Variants in ARFGAP2 observed in about 807,000 individuals in gnomAD.
ARFGAP2 encodes ARF GTPase activating protein 2, also known as ADP-ribosylation factor GTPase-activating protein 2.
ARFGAP2 carries 45 observed loss-of-function variants against 71.9 expected under a neutral mutation model. The observed-to-expected ratio is 0.63, with a 90% CI of 0.49 to 0.80. ARFGAP2 has a LOEUF of 0.80. ARFGAP2 is among the 30% of genes least tolerant of loss of function. The pLI is 0.00. For missense variants in ARFGAP2, 633 were observed against 673.9 expected, an observed-to-expected ratio of 0.94 and a Z score of 0.67; for synonymous variants, 248 against 249.2, an observed-to-expected ratio of 1.00 and a Z score of 0.05.
At position 47,175,845 on chromosome 11, in the gene ARFGAP2, C is replaced by T; in HGVS notation, c.264+6G>A. On this transcript the variant is annotated splice_donor_region_variant and intron_variant, in intron 3 of 15. Coordinates refer to ENST00000524782, the MANE Select transcript of ARFGAP2 (RefSeq NM_032389.6). ...TGGAAGGTGAGGGAAGTAGAAGGAGCTTTACCGCATTGGCATTCCCGCCGA... is the reference window on the plus strand; with the variant it reads ...TGGAAGGTGAGGGAAGTAGAAGGAGTTTTACCGCATTGGCATTCCCGCCGA... 3.1e-6 allele frequency: 5 copies of T among 1,614,158 alleles called. No individual in the cohort carries two copies. Among genetic ancestry groups the T allele is most frequent in the Non-Finnish European group, 4.2e-6 (5 of 1,180,030 alleles).
Position 47,175,288 on chromosome 11 carries a change from C to A in ARFGAP2, c.290G>T (p.Cys97Phe). 3 of 1,614,134 alleles carry A rather than the reference C, an allele frequency of 1.9e-6. No homozygotes were observed. The highest frequency in any genetic ancestry group is 1.7e-6 in the Non-Finnish European group (2 of 1,180,026). ...NATAFFRQHG[C>F]TANDANTKYN... ...TTTGGTGTTGGCATCATTGGCTGTG[C>A]ATCCATGTTGGCGAAAAAAAGCCGT... The change falls in exon 4 of 16, where the codon TGC (cysteine) becomes TTC (phenylalanine). Residue 97 changes from cysteine to phenylalanine, a missense_variant. Transcript: ENST00000524782.
Position 47,166,607 on chromosome 11 carries a change from G to C in ARFGAP2, c.1333-8C>G. On this transcript the variant is annotated splice_polypyrimidine_tract_variant and splice_region_variant and intron_variant, in intron 13 of 15. Coordinates refer to ENST00000524782, the MANE Select transcript of ARFGAP2 (RefSeq NM_032389.6). The stretch of plus-strand genomic sequence containing the variant: ...CCGAGACCTGGCCTCATACTGTGGT[G>C]AGGAAAAGGCCAGGCCTGGGGATCT... The C allele has an allele frequency of 3.7e-6, 6 of 1,611,466 alleles. No homozygotes were observed. Among genetic ancestry groups the C allele is most frequent in the Non-Finnish European group, 5.1e-6 (6 of 1,179,850 alleles).
Position 47,166,716 on chromosome 11 carries a change from T to C in ARFGAP2, c.1332+44A>G, listed in dbSNP as rs1341606417. The C allele has an allele frequency of 2.5e-6, 4 of 1,604,672 alleles. No homozygotes were observed. In the African/African-American group the frequency reaches 5.3e-5, roughly 21 times the overall value. On this transcript the variant is annotated intron_variant, in intron 13 of 15. Coordinates refer to ENST00000524782, the MANE Select transcript of ARFGAP2 (RefSeq NM_032389.6). ...GCAGCGGCAGGGAGAAAGCTCATGC[T>C]TCTGCCTGCTGCCTCGGACCTCAGG...
At chr11:47,172,826 C>A in intron 7 of ARFGAP2, 1 of 1,249,126 alleles carries the variant, frequency 8.0e-7, no homozygotes, top group Non-Finnish European at 1.0e-6. Context: ...GCCCAGCGGT[C>A]TCTATGAAGC....
At chr11:47,174,105 G>A (rs1952700792) in intron 5 of ARFGAP2, 1 of 564,120 alleles carries the variant, frequency 1.8e-6, no homozygotes, top group South Asian at 2.0e-5. Context: ...CACCACCTAG[G>A]CAGGCACAGA....
chr11:47,176,584 G>C lies in ARFGAP2; in HGVS notation c.123C>G (p.Tyr41Ter). ...AACAGTCAATGCACAAGAAAACACC[G>C]TACGTGATGCTGGCCCAACTCGGAT... is the stretch of plus-strand genomic sequence containing the variant. ...AKNPSWASIT[Y>*]GVFLCIDCSG... is the part of the protein sequence containing the mutation. Residue 41 changes from tyrosine (Y) to a stop codon, truncating the protein, a stop_gained, in exon 2 of 16, where the codon TAC (tyrosine) becomes TAG (stop). Coordinates refer to ENST00000524782, the MANE Select transcript of ARFGAP2 (RefSeq NM_032389.6). LOFTEE classifies it high-confidence loss of function. 6.2e-7 allele frequency: 1 copy of C among 1,614,134 alleles called. No homozygotes were observed. The highest frequency in any genetic ancestry group is 8.5e-7 in the Non-Finnish European group (1 of 1,180,038).
rs74834065 is a variant in ARFGAP2, at chr11:47,172,936, G to A, written c.619+490C>T. On this transcript the variant is annotated intron_variant, in intron 7 of 15. Coordinates refer to ENST00000524782, the MANE Select transcript of ARFGAP2 (RefSeq NM_032389.6). ...CCCCCAAGAGTCAACAGAACAAACC[G>A]AGGTCAGCAAATGGACTGTTCGCCC... 2.2e-3 allele frequency among the ~76,000 whole-genome samples: 340 copies of A among 152,308 alleles called. 2 individuals are homozygous for A. Among genetic ancestry groups the A allele is most frequent in the Middle Eastern group, 0.01 (3 of 294 alleles).
chr11:47,176,560 A>G lies in ARFGAP2; in HGVS notation c.147T>C (p.Cys49=). The G allele has an allele frequency of 6.2e-7, 1 of 1,613,980 alleles. No individual in the cohort carries two copies. The highest frequency in any genetic ancestry group is 8.5e-7 in the Non-Finnish European group (1 of 1,180,028). ...CGCCCAGGGAGCGGTGCACCCCGGA[A>G]CAGTCAATGCACAAGAAAACACCGT... ...ITYGVFLCID[C]SGVHRSLGVH... is the part of the protein sequence containing the mutation. Residue 49 remains cysteine (C), a synonymous_variant, in exon 2 of 16, where the codon TGT becomes TGC. Coordinates refer to ENST00000524782, the MANE Select transcript of ARFGAP2 (RefSeq NM_032389.6).
rs1952295617 is a variant in ARFGAP2, at chr11:47,165,086, A to G, written c.*396T>C. On this transcript the variant is annotated 3_prime_UTR_variant, in exon 16 of 16. Coordinates refer to ENST00000524782, the MANE Select transcript of ARFGAP2 (RefSeq NM_032389.6). ...ATGGGGACCCAAGGCCTCGAACTAG[A>G]AGAACCCTAGAGCCAGCAAAAAAAG... 1 of 197,972 alleles carries G rather than the reference A, an allele frequency of 5.1e-6. No individual in the cohort carries two copies. Among genetic ancestry groups the G allele is most frequent in the Admixed American group, 6.1e-5 (1 of 16,524 alleles). 12.3% of individuals were successfully genotyped at this position (197,972 alleles called of 1,614,324 possible). A position where few individuals can be genotyped will look rare whatever the true frequency, so the allele number is the denominator to read the frequency against.
At chr11:47,176,152 G>T in intron 2 of ARFGAP2, 1 of 598,662 alleles carries the variant, frequency 1.7e-6, no homozygotes. Context: ...CACATTCTCA[G>T]GCACGCACGC....
chr11:47,169,990 T>C (rs771520598), intron 10 of ARFGAP2, among the ~76,000 whole-genome samples: 9 of 152,112 alleles, frequency 5.9e-5, no homozygotes, highest in Non-Finnish European at 1.3e-4. Flanking sequence ...CAATGTCCTT[T>C]CAAGTTAAAA....
Position 47,176,792 on chromosome 11 carries a change from G to C in ARFGAP2, c.62C>G (p.Pro21Arg). 6.2e-7 allele frequency: 1 copy of C among 1,614,132 alleles called. No homozygotes were observed. Among genetic ancestry groups the C allele is most frequent in the South Asian group, 1.1e-5 (1 of 91,078 alleles). Reference protein sequence around the residue: ...QTLFKRLRAVPTNKACFDCGA... With the variant: ...QTLFKRLRAVRTNKACFDCGA... ...CCCCTGCTCACGCACCTTGTTGGTT[G>C]GAACTGCGCGAAGCCTCTTAAAAAG... Residue 21 changes from proline to arginine, a missense_variant, in exon 1 of 16, where the codon CCA (proline) becomes CGA (arginine). By Grantham distance (103) the Pro-to-Arg change is moderately radical. Transcript: ENST00000524782.
chr11:47,174,641 C>T (rs373211038), intron 5 of ARFGAP2: 87 of 201,058 alleles, frequency 4.3e-4, no homozygotes, highest in Non-Finnish European at 8.1e-4. Context: ...ATGATCCACC[C>T]GCCTCGGCCT....
intron 7 of ARFGAP2, chr11:47,172,771 G>A: frequency 7.7e-7 from 1 of 1,291,938 alleles, no homozygotes; most frequent in South Asian, 1.2e-5. Context: ...AAACAGACTT[G>A]TGGCTAACAA....
intron 7 of ARFGAP2, chr11:47,172,768 C>G: frequency 7.7e-7 from 1 of 1,292,174 alleles, no homozygotes; most frequent in Admixed American, 2.3e-5. Context: ...GAGAAACAGA[C>G]TTGTGGCTAA....
Position 47,171,525 on chromosome 11 carries a change from A to G in ARFGAP2, c.842T>C (p.Leu281Pro). ...TTCCTCTTTCTTACGATCAATCTGG[A>G]GCTCCTGGTAGGCCAGACGCATGGA... is the stretch of plus-strand genomic sequence containing the variant. Reference protein sequence around the residue: ...VASMRLAYQELQIDRKKEEKK... With the variant: ...VASMRLAYQEPQIDRKKEEKK... Residue 281 changes from leucine (L) to proline (P), a missense_variant, in exon 10 of 16, where the codon CTC becomes CCC. Coordinates refer to ENST00000524782, the MANE Select transcript of ARFGAP2 (RefSeq NM_032389.6). The G allele has an allele frequency of 6.2e-7, 1 of 1,614,044 alleles. No homozygotes were observed. Among genetic ancestry groups the G allele is most frequent in the Non-Finnish European group, 8.5e-7 (1 of 1,179,988 alleles).
Position 47,165,614 on chromosome 11 carries a change from A to G in ARFGAP2, c.1546-112T>C, listed in dbSNP as rs948707460. On this transcript the variant is annotated intron_variant, in intron 15 of 15. Transcript: ENST00000524782. ...CACCCCACAGCAAGACTGGGGAGGCAGGGGCTGGACAGCCCGGTGAGGCAG... is the reference window on the plus strand; with the variant it reads ...CACCCCACAGCAAGACTGGGGAGGCGGGGGCTGGACAGCCCGGTGAGGCAG... The G allele has an allele frequency of 2.1e-5, 27 of 1,258,516 alleles. 1 individual carries two copies. In the Admixed American group the frequency reaches 2.2e-4, roughly 10 times the overall value. 78.0% of individuals were successfully genotyped at this position (1,258,516 alleles called of 1,614,324 possible).
intron 10 of ARFGAP2, 45 bp downstream of exon 10, chr11:47,171,381 A>C: frequency 6.2e-7 from 1 of 1,608,790 alleles, no homozygotes; most frequent in Non-Finnish European, 8.5e-7. Flanking sequence ...AATGGTTCCC[A>C]GAAAACAACG....
chr11:47,172,424 C>A (rs1952642352), intron 7 of ARFGAP2, 91 bp from the exon 8 acceptor site: 1 of 1,454,000 alleles, frequency 6.9e-7, no homozygotes. Context: ...GGCAAGAGCT[C>A]CTAAGAACAG....
Sources: gnomAD v4.1 joint callset for allele counts (sites outside exome capture counted in the v4.1 genomes callset) on GRCh38, gnomAD v4.1.1 for gene constraint, MANE v1.5 for transcripts, NCBI Gene and HGNC (gene_info 2026-07-23, HGNC 2026-07-21) for gene names.